Variants in LRRC7 observed in about 807,000 individuals in gnomAD.
LRRC7 encodes leucine rich repeat containing 7, also known as leucine-rich repeat-containing protein 7.
In LRRC7, 23 loss-of-function variants were observed where a neutral mutation model predicts 175.7. That is an observed-to-expected ratio of 0.13 (90% confidence interval 0.09 to 0.19). The LOEUF (loss-of-function observed/expected upper bound fraction) is 0.19. Ranked by LOEUF, LRRC7 falls within the 10% of genes least tolerant of loss-of-function variation. The probability of loss-of-function intolerance (pLI) is 1.00; values close to 1 mark genes in which losing one functional copy is unlikely to be tolerated. For missense variants in LRRC7, 1,354 were observed against 1,904.7 expected, an observed-to-expected ratio of 0.71 and a Z score of 5.38; for synonymous variants, 685 against 680.9, an observed-to-expected ratio of 1.01 and a Z score of -0.09.
intron 7 of LRRC7, among the ~76,000 whole-genome samples, chr1:69,888,772 G>A (rs1645740250): frequency 1.3e-5 from 2 of 151,680 alleles, no homozygotes; most frequent in Admixed American, 1.3e-4. Context: ...CCAGCTGTTT[G>A]GGGGTAGGGA....
chr1:69,806,237 G>A (rs964134318), intron 4 of LRRC7, among the ~76,000 whole-genome samples: 1 of 151,920 alleles, frequency 6.6e-6, no homozygotes, highest in Non-Finnish European at 1.5e-5. Context: ...CGAGTATGAA[G>A]CAAGATTATT....
chr1:69,787,928 C>A (rs776480859), intron 3 of LRRC7, among the ~76,000 whole-genome samples: 6 of 151,960 alleles, frequency 3.9e-5, no homozygotes, highest in Admixed American at 6.6e-5. Flanking sequence ...TTTTTCTTTT[C>A]TTTATTCCTT....
chr1:70,100,293 A>G (rs1407184582), intron 25 of LRRC7, among the ~76,000 whole-genome samples: 1 of 152,168 alleles, frequency 6.6e-6, no homozygotes, highest in Non-Finnish European at 1.5e-5. Context: ...TCAGAGAAAC[A>G]GGAATAAATT....
chr1:70,068,869 C>T (rs371489896), intron 23 of LRRC7, among the ~76,000 whole-genome samples: 16 of 152,232 alleles, frequency 1.1e-4, no homozygotes, highest in African/African-American at 3.9e-4. Context: ...GTGTGCACCA[C>T]CACAGTGGCT....
chr1:69,855,536 T>G (rs1683499437), intron 7 of LRRC7, among the ~76,000 whole-genome samples: 1 of 152,154 alleles, frequency 6.6e-6, no homozygotes, highest in South Asian at 2.1e-4. Context: ...GAGGAGTGCT[T>G]TACTTCCAAC....
chr1:69,741,328 C>T (rs1056745950), intron 2 of LRRC7, among the ~76,000 whole-genome samples: 4 of 151,842 alleles, frequency 2.6e-5, no homozygotes, highest in African/African-American at 7.3e-5. Flanking sequence ...AACTGGGTAT[C>T]GTGGGGTTTT....
intron 2 of LRRC7, among the ~76,000 whole-genome samples, chr1:69,707,976 C>T (rs1664256597): frequency 6.6e-6 from 1 of 152,076 alleles, no homozygotes; most frequent in African/African-American, 2.4e-5. Context: ...TGCAAAGAAA[C>T]CCTTGAGTAT....
At chr1:69,998,440 C>G (rs1398483490) in intron 11 of LRRC7, among the ~76,000 whole-genome samples, 1 of 152,046 alleles carries the variant, frequency 6.6e-6, no homozygotes, top group Non-Finnish European at 1.5e-5. Flanking sequence ...TTTTAATGCC[C>G]TCACTATACA....
chr1:69,604,839 GA>G (rs1647273284), intron 1 of LRRC7, among the ~76,000 whole-genome samples: 1 of 152,120 alleles, frequency 6.6e-6, no homozygotes, highest in Non-Finnish European at 1.5e-5. Flanking sequence ...CTCTGTAAAA[GA>G]AAGTTAAGCT....
intron 7 of LRRC7, among the ~76,000 whole-genome samples, chr1:69,842,711 T>TA (rs1267866019): frequency 1.3e-5 from 2 of 152,098 alleles, no homozygotes; most frequent in Non-Finnish European, 2.9e-5. Context: ...AAATCTGAAG[T>TA]AATGACAGTA....
At chr1:69,928,039 G>T (rs1044572521) in intron 7 of LRRC7, among the ~76,000 whole-genome samples, 4 of 152,182 alleles carry the variant, frequency 2.6e-5, no homozygotes, top group African/African-American at 9.7e-5. Flanking sequence ...ACCCTCAGCT[G>T]CAGGTCTGTT....
intron 6 of LRRC7, 56 bp downstream of exon 6, chr1:69,834,925 A>T: frequency 7.4e-7 from 1 of 1,356,972 alleles, no homozygotes; most frequent in Non-Finnish European, 1.1e-6. Flanking sequence ...TAAGTGCTTT[A>T]CCAGTGCCAG....
At chr1:69,580,716 C>G (rs1041541089) in intron 1 of LRRC7, among the ~76,000 whole-genome samples, 4 of 152,260 alleles carry the variant, frequency 2.6e-5, no homozygotes, top group Non-Finnish European at 5.9e-5. Context: ...GTGTGCCAGG[C>G]CTTGTGCTAG....
chr1:69,759,161 A>C (rs1319128595), intron 2 of LRRC7, among the ~76,000 whole-genome samples: 1 of 152,012 alleles, frequency 6.6e-6, no homozygotes, highest in African/African-American at 2.4e-5. Context: ...CCTTTTCGTT[A>C]AAATAAGTTT....
chr1:70,119,949 G>T (rs927986527), intron 26 of LRRC7, among the ~76,000 whole-genome samples: 2 of 151,936 alleles, frequency 1.3e-5, no homozygotes, highest in Non-Finnish European at 2.9e-5. Flanking sequence ...TCAAATTGAA[G>T]GCATTAAGGT....
At chr1:69,698,290 G>A (rs1662870034) in intron 2 of LRRC7, among the ~76,000 whole-genome samples, 1 of 151,750 alleles carries the variant, frequency 6.6e-6, no homozygotes, top group South Asian at 2.1e-4. Context: ...TATATTCAAG[G>A]CACATAATCT....
intron 7 of LRRC7, among the ~76,000 whole-genome samples, chr1:69,853,214 T>G (rs901794961): frequency 3.3e-5 from 5 of 151,918 alleles, no homozygotes; most frequent in Non-Finnish European, 7.4e-5. Flanking sequence ...TCTGTTCTAC[T>G]TGAGTTCTTA....
intron 1 of LRRC7, among the ~76,000 whole-genome samples, chr1:69,580,521 T>C (rs909602648): frequency 1.3e-5 from 2 of 152,158 alleles, no homozygotes; most frequent in African/African-American, 4.8e-5. Context: ...AACTCAGGAA[T>C]AGCTCCTCCG....
At chr1:69,676,365 A>G (rs567061409) in intron 1 of LRRC7, among the ~76,000 whole-genome samples, 1 of 152,226 alleles carries the variant, frequency 6.6e-6, no homozygotes, top group East Asian at 1.9e-4. Flanking sequence ...TATCAAAACC[A>G]GTGATATCCC....
Sources: allele counts gnomAD v4.1 joint callset (sites outside exome capture counted in the v4.1 genomes callset), GRCh38; gene constraint gnomAD v4.1.1; transcripts MANE v1.5; gene names NCBI Gene and HGNC (gene_info 2026-07-23, HGNC 2026-07-21).